KHDRBS3: variants seen among roughly 807,000 people sequenced by gnomAD.
KHDRBS3 encodes the protein KH RNA binding domain containing, signal transduction associated 3.
KHDRBS3 carries 23 observed loss-of-function variants against 45.6 expected under a neutral mutation model. The observed-to-expected ratio is 0.50, with a 90% confidence interval of 0.36 to 0.72. The LOEUF (loss-of-function observed/expected upper bound fraction) is 0.72, where lower values mean the gene tolerates loss of function less well. Among genes scored for constraint, KHDRBS3 ranks in the 30% least tolerant of loss-of-function variants. The pLI, the probability that KHDRBS3 is intolerant of heterozygous loss-of-function variation, is 0.00. For missense variants in KHDRBS3, 352 were observed against 424.8 expected, an observed-to-expected ratio of 0.83 and a Z score of 1.51; for synonymous variants, 162 against 156.5, an observed-to-expected ratio of 1.04 and a Z score of -0.26.
chr8:135,521,378 G>A (rs1056065367), intron 2 of KHDRBS3, 23 bp downstream of exon 2: 8 of 1,295,518 alleles, frequency 6.2e-6, no homozygotes, highest in Non-Finnish European at 8.9e-6. Flanking sequence ...GGTCTACACT[G>A]CAGGTATTTT....
At chr8:135,521,161 C>T (rs201733515) in intron 1 of KHDRBS3, 76 bp from the exon 2 acceptor site, 10 of 831,532 alleles carry the variant, frequency 1.2e-5, no homozygotes, top group Non-Finnish European at 1.6e-5. Context: ...TTTCATGCCA[C>T]TACAGAGCTA....
chr8:135,606,662 G>A (rs1829478395), intron 6 of KHDRBS3, among the ~76,000 whole-genome samples: 1 of 151,960 alleles, frequency 6.6e-6, no homozygotes, highest in Admixed American at 6.6e-5. Context: ...CCAGGATTCA[G>A]CCATTTAAAA....
intron 1 of KHDRBS3, among the ~76,000 whole-genome samples, chr8:135,476,693 T>TTATGTAG (rs1822306993): frequency 6.6e-6 from 1 of 152,152 alleles, no homozygotes; most frequent in African/African-American, 2.4e-5. Context: ...ACTCTCAAGG[T>TTATGTAG]TATGTAGTAT....
chr8:135,605,311 C>T (rs1330422695), intron 6 of KHDRBS3, among the ~76,000 whole-genome samples: 1 of 151,994 alleles, frequency 6.6e-6, no homozygotes. Flanking sequence ...GTCTCTGATA[C>T]TCTGTTCATT....
chr8:135,496,753 C>G (rs950098214), intron 1 of KHDRBS3, among the ~76,000 whole-genome samples: 8 of 152,150 alleles, frequency 5.3e-5, no homozygotes, highest in Admixed American at 5.2e-4. Context: ...CCCAACTGGG[C>G]CAGACACTCA....
At chr8:135,589,119 A>T (rs916253320) in intron 6 of KHDRBS3, among the ~76,000 whole-genome samples, 4 of 152,328 alleles carry the variant, frequency 2.6e-5, no homozygotes, top group Non-Finnish European at 4.4e-5. Flanking sequence ...AGCACCTAAC[A>T]TATAGTAGTC....
intron 1 of KHDRBS3, among the ~76,000 whole-genome samples, chr8:135,476,042 C>G (rs1214191593): frequency 6.6e-6 from 1 of 152,190 alleles, no homozygotes; most frequent in Non-Finnish European, 1.5e-5. Context: ...ATTCAGAGTG[C>G]CTGTCAGGGT....
At chr8:135,487,791 A>G (rs914836753) in intron 1 of KHDRBS3, among the ~76,000 whole-genome samples, 2 of 152,182 alleles carry the variant, frequency 1.3e-5, no homozygotes, top group African/African-American at 4.8e-5. Context: ...AGAGAGGATG[A>G]GCGAGAACGT....
Position 135,489,735 on chromosome 8 carries a change from T to G in KHDRBS3, c.89-31502T>G, listed in dbSNP as rs78256142. ...AGTCAAAAAGTTAAAAAACAAAAGT[T>G]TATAAAGTAAAAAAGTTATAGTAAG... On this transcript the variant is annotated intron_variant, in intron 1 of 8. Transcript: ENST00000355849. Among the ~76,000 whole-genome samples, 171 of 152,166 alleles carry G rather than the reference T, an allele frequency of 1.1e-3. 3 individuals carry two copies. Among genetic ancestry groups the G allele is most frequent in the African/African-American group, 3.4e-3 (143 of 41,542 alleles).
At chr8:135,556,686 C>G (rs1826903835) in intron 4 of KHDRBS3, among the ~76,000 whole-genome samples, 2 of 152,102 alleles carry the variant, frequency 1.3e-5, no homozygotes, top group Non-Finnish European at 2.9e-5. Flanking sequence ...TTACTATTTC[C>G]TTTTTGATCC....
chr8:135,565,224 C>G (rs1305223302), intron 5 of KHDRBS3, among the ~76,000 whole-genome samples: 2 of 151,974 alleles, frequency 1.3e-5, no homozygotes, highest in Non-Finnish European at 2.9e-5. Flanking sequence ...TAAGCAAGAA[C>G]ATGATTTGAT....
At chr8:135,533,247 T>C (rs534816929) in intron 2 of KHDRBS3, among the ~76,000 whole-genome samples, 1 of 152,312 alleles carries the variant, frequency 6.6e-6, no homozygotes, top group South Asian at 2.1e-4. Flanking sequence ...GGGTTGTAGA[T>C]AAATACAATT....
chr8:135,527,830 A>G (rs906653086), intron 2 of KHDRBS3, among the ~76,000 whole-genome samples: 2 of 152,248 alleles, frequency 1.3e-5, no homozygotes, highest in Non-Finnish European at 2.9e-5. Context: ...AAAGCGAACC[A>G]GAATCTTAAT....
At chr8:135,653,470 G>T (rs1831470472) in intron 4 of KHDRBS3, among the ~76,000 whole-genome samples, 1 of 152,186 alleles carries the variant, frequency 6.6e-6, no homozygotes, top group Admixed American at 6.5e-5. Flanking sequence ...TGGAAATGTA[G>T]TACATGTTCA....
intron 1 of KHDRBS3, among the ~76,000 whole-genome samples, chr8:135,474,384 A>G (rs1822165919): frequency 6.6e-6 from 1 of 152,230 alleles, no homozygotes; most frequent in African/African-American, 2.4e-5. Flanking sequence ...ATCGAACCAG[A>G]TGCCCAGTGG....
intron 1 of KHDRBS3, among the ~76,000 whole-genome samples, chr8:135,508,834 C>G (rs1212451393): frequency 6.6e-6 from 1 of 152,138 alleles, no homozygotes; most frequent in Non-Finnish European, 1.5e-5. Context: ...GAACTCCTAG[C>G]CTCTTTTTTC....
At chr8:135,588,079 C>G (rs1019938819) in intron 6 of KHDRBS3, among the ~76,000 whole-genome samples, 2 of 152,180 alleles carry the variant, frequency 1.3e-5, no homozygotes, top group African/African-American at 4.8e-5. Context: ...GGAGTTAGCA[C>G]AGACCCTACA....
At chr8:135,474,113 G>T (rs1172227266) in intron 1 of KHDRBS3, among the ~76,000 whole-genome samples, 1 of 152,076 alleles carries the variant, frequency 6.6e-6, no homozygotes, top group Non-Finnish European at 1.5e-5. Flanking sequence ...TCACTTTAAA[G>T]TTGTCAATTT....
rs148465939 is a variant in KHDRBS3 at position 135,476,167 on chromosome 8, G to A, written c.88+18213G>A. ...CCCACTTTTTTGTTTTTTTTGAGATGGAGTCTTGCTCTGTCACCTAGGCTG... is the reference window on the plus strand; with the variant it reads ...CCCACTTTTTTGTTTTTTTTGAGATAGAGTCTTGCTCTGTCACCTAGGCTG... On this transcript the variant is annotated intron_variant, in intron 1 of 8. Coordinates refer to ENST00000355849, the MANE Select transcript of KHDRBS3 (RefSeq NM_006558.3). Among the ~76,000 whole-genome samples the A allele has an allele frequency of 1.1e-4, 16 of 151,796 alleles. No individual in the cohort carries two copies. The East Asian group carries it at 1.9e-3, about 18-fold the overall frequency.
Sources: gnomAD v4.1 joint callset for allele counts (sites outside exome capture counted in the v4.1 genomes callset) on GRCh38, gnomAD v4.1.1 for gene constraint, MANE v1.5 for transcripts, NCBI Gene and HGNC (gene_info 2026-07-23, HGNC 2026-07-21) for gene names.